VAV1: variants seen among roughly 807,000 people sequenced by gnomAD.
The protein encoded by VAV1 is proto-oncogene vav.
A neutral mutation model predicts 128.1 loss-of-function variants in VAV1; 33 were observed. The ratio of observed to expected loss-of-function variants is 0.26; its 90% CI spans 0.20 to 0.34. The LOEUF (loss-of-function observed/expected upper bound fraction) is 0.34, where lower values mean the gene tolerates loss of function less well. Ranked by LOEUF, VAV1 falls within the 10% of genes least tolerant of loss-of-function variation. VAV1 has a pLI of 1.00. For synonymous variants in VAV1, 394 were observed against 409.8 expected (o/e 0.96, Z 0.47); for missense variants, 715 against 1,093.7 (o/e 0.65, Z 4.88).
In VAV1 at chr19:6,832,127, G is replaced by A; in HGVS notation, c.1435G>A (p.Ala479Thr). Residue 479 changes from alanine (A) to threonine (T), a missense_variant, in exon 15 of 27, where the codon GCC (alanine) becomes ACC (threonine). Ala to Thr is a moderately conservative substitution (Grantham distance 58, BLOSUM62 0). Around this residue, in one of 3 missense-constraint regions of VAV1, gnomAD observed 407 missense variants for 580.6 expected, o/e 0.70. Transcript: ENST00000602142. ...GTTCCTCCTGATCGAGGACCAAGGT[G>A]CCCAGGGCTATGAGCTGTTCTTCAA... ...HMFLLIEDQG[A>T]QGYELFFKTR... 6.2e-7 allele frequency: 1 copy of A among 1,614,142 alleles called. No individual in the cohort carries two copies.
At chr19:6,813,222 A>C (rs2144752331) in intron 1 of VAV1, among the ~76,000 whole-genome samples, 1 of 152,292 alleles carries the variant, frequency 6.6e-6, no homozygotes, top group Middle Eastern at 3.4e-3. Flanking sequence ...CCTTAGCTGG[A>C]GGGTCTACTT....
intron 14 of VAV1, 90 bp downstream of exon 14, chr19:6,830,008 C>T: frequency 6.3e-7 from 1 of 1,583,206 alleles, no homozygotes; most frequent in Non-Finnish European, 8.6e-7. Flanking sequence ...TGCCAGACTA[C>T]ATCTACATGG....
At position 6,833,522 on chromosome 19, in the gene VAV1, T is replaced by A; in HGVS notation, c.1611-6T>A. On this transcript the variant is annotated splice_region_variant and splice_polypyrimidine_tract_variant and intron_variant, in intron 16 of 26. Transcript: ENST00000602142. ...CGCTCTTCTTTATGTGTTCCCTGCA[T>A]CTCAGAGGTACCTTCTATCAGGGCT... is the stretch of plus-strand genomic sequence containing the variant. 6.3e-7 allele frequency: 1 copy of A among 1,595,686 alleles called. No individual in the cohort carries two copies.
rs539745319 is a variant in VAV1, at chr19:6,826,796, G to T, written c.927+85G>T. The T allele has an allele frequency of 6.3e-4, 697 of 1,102,404 alleles. 3 individuals are homozygous for T. Among genetic ancestry groups the T allele is most frequent in the South Asian group, 1.9e-3 (146 of 75,436 alleles). 68.3% of individuals were successfully genotyped at this position (1,102,404 alleles called of 1,614,324 possible). On this transcript the variant is annotated intron_variant, in intron 9 of 26. Coordinates refer to ENST00000602142, the MANE Select transcript of VAV1 (RefSeq NM_005428.4). This position sits in a 1 kb window ranked among gnomAD's most constrained non-coding sequence, Gnocchi z 4.1. ...CAGGGAGGACACTGAGTTGCAGATG[G>T]TCCACTTTCTGCTGCAGCCCAGCCA...
intron 21 of VAV1, among the ~76,000 whole-genome samples, chr19:6,840,269 C>T (rs1028245901): frequency 6.6e-6 from 1 of 151,462 alleles, no homozygotes; most frequent in Admixed American, 6.6e-5. Flanking sequence ...ATTCAAGGCT[C>T]ATCCATGTTG....
At chr19:6,808,453 C>A (rs1245014706) in intron 1 of VAV1, among the ~76,000 whole-genome samples, 1 of 152,180 alleles carries the variant, frequency 6.6e-6, no homozygotes, top group Non-Finnish European at 1.5e-5. Context: ...GTAACAAGGA[C>A]TTAAATAAAA....
At chr19:6,789,640 C>CA (rs2144710821) in intron 1 of VAV1, among the ~76,000 whole-genome samples, 1 of 152,086 alleles carries the variant, frequency 6.6e-6, no homozygotes, top group East Asian at 1.9e-4. Context: ...CTCTGTCACT[C>CA]AGACTGGACT....
intron 1 of VAV1, among the ~76,000 whole-genome samples, chr19:6,784,493 C>CTT (rs10590205): frequency 1.4e-5 from 2 of 138,048 alleles, no homozygotes; most frequent in Non-Finnish European, 1.6e-5. Context: ...CATTCTGTTC[C>CTT]TTTTTTTTTT....
chr19:6,774,579 C>T (rs1371071279), intron 1 of VAV1, among the ~76,000 whole-genome samples: 1 of 151,058 alleles, frequency 6.6e-6, no homozygotes, highest in Non-Finnish European at 1.5e-5. Context: ...GGATTACAGG[C>T]GCCCACCACC....
chr19:6,833,613 C>G lies in VAV1; in HGVS notation c.1696C>G (p.Arg566Gly). ...ECLGRVPPCG[R>G]HGQDFPGTMK... Reference sequence around the variant, plus strand: ...TCTGGGGAGGGTCCCTCCATGTGGCCGACATGGGCAAGGTACGAGTGGGAG... The same window carrying G: ...TCTGGGGAGGGTCCCTCCATGTGGCGGACATGGGCAAGGTACGAGTGGGAG... The change falls in exon 17 of 27, where the codon CGA (arginine) becomes GGA (glycine). Residue 566 changes from arginine (R) to glycine (G), a missense_variant. Arg to Gly is a moderately radical substitution (Grantham distance 125). Coordinates refer to ENST00000602142, the MANE Select transcript of VAV1 (RefSeq NM_005428.4). 4 of 1,613,820 alleles carry G rather than the reference C, an allele frequency of 2.5e-6. No individual in the cohort carries two copies. The highest frequency in any genetic ancestry group is 2.2e-5 in the East Asian group (1 of 44,878).
chr19:6,816,715 A>C (rs1349291937), intron 1 of VAV1, among the ~76,000 whole-genome samples: 1 of 151,918 alleles, frequency 6.6e-6, no homozygotes, highest in African/African-American at 2.4e-5. Context: ...CTGTAATCCC[A>C]GCACTTTGGG....
rs1028150427 is a variant in VAV1 at position 6,850,589 on chromosome 19, G to A, written c.2130-81G>A. 50 of 1,396,552 alleles carry A rather than the reference G, an allele frequency of 3.6e-5. No individual in the cohort carries two copies. The Middle Eastern group carries it at 1.3e-3, about 35-fold the overall frequency. The allele number at this position is 1,396,552 out of a possible 1,614,324, so 86.5% of individuals were successfully genotyped here. ...AGTTACTCCTCCCTGAAGGGGTCAA[G>A]GTTGCTTCCTCCATAACTGGGGCTT... On this transcript the variant is annotated intron_variant, in intron 23 of 26. Coordinates refer to ENST00000602142, the MANE Select transcript of VAV1 (RefSeq NM_005428.4).
chr19:6,810,965 G>C (rs1298633081), intron 1 of VAV1, among the ~76,000 whole-genome samples: 1 of 152,178 alleles, frequency 6.6e-6, no homozygotes, highest in Non-Finnish European at 1.5e-5. Context: ...TTCAACTGTT[G>C]TTCCAAAACC....
At chr19:6,799,087 A>T (rs1421096275) in intron 1 of VAV1, among the ~76,000 whole-genome samples, 2 of 152,014 alleles carry the variant, frequency 1.3e-5, no homozygotes, top group African/African-American at 4.8e-5. Flanking sequence ...ATGTTGTTGT[A>T]TGTATCAGTG....
In VAV1 at chr19:6,835,470, C is replaced by T. The variant is rs149928017; in HGVS notation, c.1778-962C>T. Among the ~76,000 whole-genome samples, 269 of 152,200 alleles carry T rather than the reference C, an allele frequency of 1.8e-3. 2 individuals carry two copies. Among genetic ancestry groups the T allele is most frequent in the African/African-American group, 6.1e-3 (254 of 41,510 alleles). ...TAGCCTTGAAGTTCTCAATAATGGC[C>T]TGTGGCTAGTTGCTACCATATTGGA... On this transcript the variant is annotated intron_variant, in intron 19 of 26. Transcript: ENST00000602142.
chr19:6,796,950 A>AT (rs1971148918), intron 1 of VAV1, among the ~76,000 whole-genome samples: 1 of 152,106 alleles, frequency 6.6e-6, no homozygotes, highest in South Asian at 2.1e-4. Context: ...AAATATTTGC[A>AT]TATTTGGCCA....
chr19:6,772,721 G>A lies in VAV1; in HGVS notation c.-87G>A, dbSNP rs1970530001. The A allele has an allele frequency of 1.4e-6, 2 of 1,417,410 alleles. No individual in the cohort carries two copies. The allele number at this position is 1,417,410 out of a possible 1,614,324, so 87.8% of individuals were successfully genotyped here. A position where few individuals can be genotyped will look rare whatever the true frequency, so the allele number is the denominator to read the frequency against. On this transcript the variant is annotated 5_prime_UTR_variant, in exon 1 of 27. Transcript: ENST00000602142. This position sits in a 1 kb window ranked among gnomAD's most constrained non-coding sequence, Gnocchi z 4.8. ...AGAGGAAGTGGTAGCACTAGCTGTCGCTCCACAGGCGAGCAGGGCAGGCGT... is the reference window on the plus strand; with the variant it reads ...AGAGGAAGTGGTAGCACTAGCTGTCACTCCACAGGCGAGCAGGGCAGGCGT...
intron 25 of VAV1, 116 bp from the exon 26 acceptor site, chr19:6,853,831 A>G: frequency 7.4e-7 from 1 of 1,347,634 alleles, no homozygotes. Context: ...TACTCTGCAG[A>G]AAAGAGCACT....
intron 1 of VAV1, among the ~76,000 whole-genome samples, chr19:6,790,762 C>T (rs1568286381): frequency 6.6e-6 from 1 of 152,160 alleles, no homozygotes; most frequent in African/African-American, 2.4e-5. Flanking sequence ...ATATTTATCC[C>T]GTTTTAATTA....
Sources: gnomAD v4.1 joint callset for allele counts (sites outside exome capture counted in the v4.1 genomes callset) on GRCh38, gnomAD v4.1.1 for gene constraint, gnomAD v4.1.1 regional missense constraint, Gnocchi (gnomAD v3.1) non-coding constraint, MANE v1.5 for transcripts, NCBI Gene and HGNC (gene_info 2026-07-23, HGNC 2026-07-21) for gene names.